Variants in KLHL2 observed in about 807,000 individuals in gnomAD.
KLHL2 encodes kelch-like protein 2.
In KLHL2, 15 loss-of-function variants were observed where a neutral mutation model predicts 75.8. That is an observed-to-expected ratio of 0.20 (90% CI 0.13 to 0.30). The LOEUF is 0.30. Ranked by LOEUF, KLHL2 falls within the 10% of genes least tolerant of loss-of-function variation. The pLI is 1.00. For missense variants in KLHL2, 381 were observed against 741.0 expected (o/e 0.51, Z 5.64); for synonymous variants, 214 against 251.9 (o/e 0.85, Z 1.42).
intron 6 of KLHL2, among the ~76,000 whole-genome samples, chr4:165,294,683 C>T (rs1423396491): frequency 1.3e-5 from 2 of 152,128 alleles, no homozygotes; most frequent in Admixed American, 6.5e-5. Flanking sequence ...AAATTACTCC[C>T]GGTCTTCACT....
chr4:165,303,202 A>G (rs1006187778), intron 8 of KLHL2, among the ~76,000 whole-genome samples: 4 of 152,208 alleles, frequency 2.6e-5, no homozygotes, highest in Non-Finnish European at 5.9e-5. Context: ...TGTATGTAAT[A>G]GCACAGTTTT....
At chr4:165,238,113 T>G (rs1005943922) in intron 3 of KLHL2, among the ~76,000 whole-genome samples, 2 of 152,258 alleles carry the variant, frequency 1.3e-5, no homozygotes, top group African/African-American at 4.8e-5. Flanking sequence ...AGCGTGAAGT[T>G]GCTGCAGTTG....
intron 7 of KLHL2, 35 bp from the exon 8 acceptor site, chr4:165,299,472 T>G: frequency 6.4e-7 from 1 of 1,562,172 alleles, no homozygotes; most frequent in Non-Finnish European, 8.7e-7. Flanking sequence ...GAAATAGCCC[T>G]ACCCTCAGTG....
At chr4:165,300,697 C>T (rs965037259) in intron 8 of KLHL2, among the ~76,000 whole-genome samples, 2 of 152,122 alleles carry the variant, frequency 1.3e-5, no homozygotes, top group Non-Finnish European at 2.9e-5. Context: ...CCATTTTGTG[C>T]GTGGTCTAAT....
chr4:165,251,287 T>C (rs1290856112), intron 4 of KLHL2, among the ~76,000 whole-genome samples: 2 of 151,946 alleles, frequency 1.3e-5, no homozygotes, highest in African/African-American at 4.8e-5. Context: ...ACCTGGTTAG[T>C]ACTAATTTAT....
chr4:165,213,531 A>G lies in KLHL2; in HGVS notation c.26+5629A>G, dbSNP rs536529049. 3.3e-5 allele frequency among the ~76,000 whole-genome samples: 5 copies of G among 152,252 alleles called. No homozygotes were observed. In the South Asian group the frequency reaches 1.0e-3, roughly 32 times the overall value. ...CCATTGGAGCCCCATCTCCTTCACC[A>G]AGTCTTTCCTCTTTACTCCAACTCA... On this transcript the variant is annotated intron_variant, in intron 1 of 14. Coordinates refer to ENST00000226725, the MANE Select transcript of KLHL2 (RefSeq NM_007246.4).
At chr4:165,226,773 A>G (rs1738473540) in intron 2 of KLHL2, among the ~76,000 whole-genome samples, 1 of 152,092 alleles carries the variant, frequency 6.6e-6, no homozygotes, top group South Asian at 2.1e-4. Flanking sequence ...TTCTTGTTTT[A>G]TTCAAACTTT....
intron 5 of KLHL2, among the ~76,000 whole-genome samples, chr4:165,293,807 C>T (rs59157290): frequency 0.061 from 9,278 of 151,784 alleles, 397 homozygotes; most frequent in Middle Eastern, 0.12. Context: ...TGAGCCACTG[C>T]GCCCGGCCCA....
At chr4:165,246,707 G>A (rs890279279) in intron 4 of KLHL2, among the ~76,000 whole-genome samples, 3 of 152,166 alleles carry the variant, frequency 2.0e-5, no homozygotes, top group Non-Finnish European at 4.4e-5. Context: ...GACATGGGAT[G>A]GGGACATATT....
At chr4:165,217,593 G>A (rs572652488) in intron 1 of KLHL2, among the ~76,000 whole-genome samples, 10 of 152,144 alleles carry the variant, frequency 6.6e-5, no homozygotes, top group South Asian at 2.1e-4. Context: ...ACTCTCAAGC[G>A]GTGAGGAAGT....
chr4:165,295,148 G>C (rs188073910), intron 6 of KLHL2, among the ~76,000 whole-genome samples: 1 of 152,246 alleles, frequency 6.6e-6, no homozygotes, highest in Admixed American at 6.5e-5. Flanking sequence ...GGAGAGAGAA[G>C]CTCCTTTTAG....
chr4:165,263,076 TATGGGGGTATGG>T, intron 4 of KLHL2, 109 bp from the exon 5 acceptor site: 1 of 693,102 alleles, frequency 1.4e-6, no homozygotes, highest in Middle Eastern at 3.8e-4. Flanking sequence ...TTCTAGGGAA[TATGGGGGTATGG>T]ACGCAGATAA....
rs376972522 is a variant in KLHL2, at chr4:165,231,128, T to A, written c.259+2215T>A. Among the ~76,000 whole-genome samples the A allele has an allele frequency of 1.4e-3, 208 of 152,314 alleles. 2 individuals are homozygous for A. The highest frequency in any genetic ancestry group is 4.8e-3 in the African/African-American group (201 of 41,562). Reference sequence around the variant, plus strand: ...AGTACCTAACTTTTTTTTTACTAGTTTATTGAGGCATATTTTATATATCAT... The same window carrying A: ...AGTACCTAACTTTTTTTTTACTAGTATATTGAGGCATATTTTATATATCAT... On this transcript the variant is annotated intron_variant, in intron 3 of 14. Transcript: ENST00000226725.
Position 165,317,871 on chromosome 4 carries a change from A to T in KLHL2, c.1655A>T (p.Asp552Val). 2 of 1,613,816 alleles carry T rather than the reference A, an allele frequency of 1.2e-6. No homozygotes were observed. Among genetic ancestry groups the T allele is most frequent in the Non-Finnish European group, 1.7e-6 (2 of 1,179,748 alleles). Residue 552 changes from aspartate (D) to valine (V), a missense_variant, in exon 14 of 15, where the codon GAT becomes GTT. By Grantham distance (152) the Asp-to-Val change is radical. Transcript: ENST00000226725. ...NGLLYVVGGD[D>V]GSCNLASVEY... Reference sequence around the variant, plus strand: ...CTGTTATATGTTGTTGGAGGGGATGATGGTTCCTGTAACTTGGCGTCAGTA... The same window carrying T: ...CTGTTATATGTTGTTGGAGGGGATGTTGGTTCCTGTAACTTGGCGTCAGTA...
chr4:165,316,976 T>C (rs1401358291), intron 13 of KLHL2, among the ~76,000 whole-genome samples: 1 of 152,172 alleles, frequency 6.6e-6, no homozygotes, highest in Non-Finnish European at 1.5e-5. Flanking sequence ...TTAATGGTCA[T>C]TATTCTAAGA....
intron 4 of KLHL2, among the ~76,000 whole-genome samples, chr4:165,262,142 G>A (rs1239759502): frequency 6.6e-6 from 1 of 152,158 alleles, no homozygotes; most frequent in East Asian, 1.9e-4. Flanking sequence ...TATTTGAAAA[G>A]CACTTGTAGT....
intron 5 of KLHL2, among the ~76,000 whole-genome samples, chr4:165,292,072 AT>A (rs1019632022): frequency 2.6e-5 from 4 of 151,544 alleles, no homozygotes; most frequent in Non-Finnish European, 4.4e-5. Flanking sequence ...TTTTTATTGT[AT>A]TTTTTTCGCA....
At chr4:165,233,153 G>A (rs1236753486) in intron 3 of KLHL2, among the ~76,000 whole-genome samples, 5 of 152,054 alleles carry the variant, frequency 3.3e-5, no homozygotes, top group South Asian at 2.1e-4. Context: ...TCTGTTACTC[G>A]TCATAGTTCC....
At chr4:165,258,107 A>G (rs1513062) in intron 4 of KLHL2, among the ~76,000 whole-genome samples, 12 of 152,324 alleles carry the variant, frequency 7.9e-5, no homozygotes, top group South Asian at 2.1e-4. Context: ...TGTCCGCTTT[A>G]CATTTTTCCT....
Sources: allele counts gnomAD v4.1 joint callset (sites outside exome capture counted in the v4.1 genomes callset), GRCh38; gene constraint gnomAD v4.1.1; transcripts MANE v1.5; gene names NCBI Gene and HGNC (gene_info 2026-07-23, HGNC 2026-07-21).